Variants in SPAG16 observed in about 807,000 individuals in gnomAD.
The protein encoded by SPAG16 is sperm associated antigen 16, also known as sperm-associated antigen 16 protein.
A neutral mutation model predicts 80.4 loss-of-function variants in SPAG16; 86 were observed. That is an observed-to-expected ratio of 1.07 (90% CI 0.90 to 1.28). The LOEUF is 1.28. Ranked by LOEUF, SPAG16 falls within the 50% of genes most tolerant of loss-of-function variation. The probability of loss-of-function intolerance (pLI) is 0.00; values close to 1 mark genes in which losing one functional copy is unlikely to be tolerated. For synonymous variants in SPAG16, 294 were observed against 265.9 expected (o/e 1.11, Z -1.03); for missense variants, 870 against 765.3 (o/e 1.14, Z -1.61).
intron 7 of SPAG16, among the ~76,000 whole-genome samples, chr2:213,351,655 A>G (rs956355921): frequency 1.3e-5 from 2 of 152,166 alleles, no homozygotes; most frequent in Admixed American, 6.5e-5. Flanking sequence ...TTTTTGGCCA[A>G]ACTTTGAGAA....
At chr2:213,503,217 T>C (rs1378834593) in intron 10 of SPAG16, among the ~76,000 whole-genome samples, 1 of 152,186 alleles carries the variant, frequency 6.6e-6, no homozygotes, top group South Asian at 2.1e-4. Flanking sequence ...TTTGCTCTGA[T>C]TGAGAATATA....
chr2:214,299,367 A>G (rs779174477), intron 15 of SPAG16, among the ~76,000 whole-genome samples: 1 of 148,016 alleles, frequency 6.8e-6, no homozygotes, highest in Non-Finnish European at 1.5e-5. Flanking sequence ...CTCCTGCCTC[A>G]GCCTCCTGAA....
chr2:213,800,424 G>A (rs1237990414), intron 10 of SPAG16, among the ~76,000 whole-genome samples: 2 of 149,710 alleles, frequency 1.3e-5, no homozygotes, highest in African/African-American at 2.5e-5. Flanking sequence ...TGGAGTGTGG[G>A]GGCACAATCA....
intron 10 of SPAG16, among the ~76,000 whole-genome samples, chr2:213,775,671 C>G (rs1433495320): frequency 2.0e-5 from 3 of 152,202 alleles, no homozygotes; most frequent in Admixed American, 6.5e-5. Context: ...ATTCTACTCT[C>G]CGCTTTTATG....
intron 15 of SPAG16, among the ~76,000 whole-genome samples, chr2:214,195,775 G>A (rs1337507273): frequency 1.3e-5 from 2 of 151,380 alleles, no homozygotes; most frequent in Non-Finnish European, 3.0e-5. Flanking sequence ...ATGAGAATCA[G>A]ATGAAATTCA....
At chr2:214,291,962 G>A (rs1693837477) in intron 15 of SPAG16, among the ~76,000 whole-genome samples, 1 of 152,188 alleles carries the variant, frequency 6.6e-6, no homozygotes, top group Non-Finnish European at 1.5e-5. Context: ...ATCAGTGTTT[G>A]CTTGTCTGGG....
At chr2:213,518,290 A>G (rs1330117207) in intron 10 of SPAG16, among the ~76,000 whole-genome samples, 1 of 152,192 alleles carries the variant, frequency 6.6e-6, no homozygotes, top group African/African-American at 2.4e-5. Flanking sequence ...TATTTGAGGC[A>G]TGTTCTCACT....
At chr2:214,056,895 A>G (rs2049973485) in intron 13 of SPAG16, among the ~76,000 whole-genome samples, 1 of 152,184 alleles carries the variant, frequency 6.6e-6, no homozygotes, top group Admixed American at 6.6e-5. Context: ...CCAGGAGTAG[A>G]TTCCATCTCC....
intron 12 of SPAG16, among the ~76,000 whole-genome samples, chr2:214,012,229 C>T (rs1357536976): frequency 1.0e-4 from 12 of 115,678 alleles, no homozygotes; most frequent in Non-Finnish European, 1.9e-4. Flanking sequence ...TATATATATA[C>T]TTACTTATAT....
intron 10 of SPAG16, among the ~76,000 whole-genome samples, chr2:213,691,678 TCTCTTG>T (rs1333880914): frequency 6.6e-6 from 1 of 152,242 alleles, no homozygotes; most frequent in African/African-American, 2.4e-5. Flanking sequence ...CAATTTTTAA[TCTCTTG>T]CTCTTTGTCT....
chr2:213,608,756 G>A (rs929263610), intron 10 of SPAG16, among the ~76,000 whole-genome samples: 10 of 152,228 alleles, frequency 6.6e-5, no homozygotes, highest in Non-Finnish European at 1.3e-4. Flanking sequence ...CGGGATCTCG[G>A]CTCACTGCCA....
intron 2 of SPAG16, 37 bp downstream of exon 2, chr2:213,296,147 T>C (rs1313605515): frequency 7.1e-7 from 1 of 1,405,498 alleles, no homozygotes; most frequent in Admixed American, 1.7e-5. Flanking sequence ...TCTGTAAATT[T>C]ATTGCAGTCA....
intron 15 of SPAG16, among the ~76,000 whole-genome samples, chr2:214,206,870 AT>A (rs987649632): frequency 7.2e-5 from 11 of 152,134 alleles, no homozygotes; most frequent in African/African-American, 2.4e-4. Flanking sequence ...TTTGATTTGC[AT>A]TTTTTGATGG....
intron 10 of SPAG16, among the ~76,000 whole-genome samples, chr2:213,540,740 A>T (rs1052755356): frequency 3.3e-5 from 5 of 152,270 alleles, no homozygotes; most frequent in African/African-American, 1.2e-4. Flanking sequence ...GCATATAATT[A>T]TGCATTTTAA....
At chr2:214,094,573 G>C (rs556655900) in intron 13 of SPAG16, among the ~76,000 whole-genome samples, 1 of 152,144 alleles carries the variant, frequency 6.6e-6, no homozygotes, top group Non-Finnish European at 1.5e-5. Flanking sequence ...CCCAGGGCAT[G>C]CTTTGTTTTC....
At chr2:213,590,002 A>G (rs1201663157) in intron 10 of SPAG16, among the ~76,000 whole-genome samples, 1 of 151,996 alleles carries the variant, frequency 6.6e-6, no homozygotes, top group African/African-American at 2.4e-5. Flanking sequence ...AACCTCAGGA[A>G]TAATAATATT....
chr2:214,234,651 C>CT (rs1160704452), intron 15 of SPAG16, among the ~76,000 whole-genome samples: 1 of 152,090 alleles, frequency 6.6e-6, no homozygotes, highest in Non-Finnish European at 1.5e-5. Context: ...TGATGTTGAG[C>CT]TTTTTTTCAT....
intron 10 of SPAG16, among the ~76,000 whole-genome samples, chr2:213,533,270 C>A (rs1392945573): frequency 6.6e-6 from 1 of 152,070 alleles, no homozygotes; most frequent in Non-Finnish European, 1.5e-5. Flanking sequence ...TGTATATATG[C>A]TTTCAAGGCC....
chr2:213,502,708 C>T (rs1037143404), intron 10 of SPAG16, among the ~76,000 whole-genome samples: 1 of 152,138 alleles, frequency 6.6e-6, no homozygotes, highest in African/African-American at 2.4e-5. Context: ...TCATTTAATC[C>T]TATGAACAGT....
Sources: gnomAD v4.1 joint callset for allele counts (sites outside exome capture counted in the v4.1 genomes callset) on GRCh38, gnomAD v4.1.1 for gene constraint, MANE v1.5 for transcripts, NCBI Gene and HGNC (gene_info 2026-07-23, HGNC 2026-07-21) for gene names.